The following SGSM1 variants were observed in gnomAD, a reference collection of about 807,000 sequenced individuals.
The protein encoded by SGSM1 is small G protein signaling modulator 1.
SGSM1 carries 73 observed loss-of-function variants against 133.8 expected under a neutral mutation model. The ratio of observed to expected loss-of-function variants is 0.55; its 90% confidence interval spans 0.45 to 0.66. SGSM1 has a LOEUF of 0.66. Ranked by LOEUF, SGSM1 falls within the 30% of genes least tolerant of loss-of-function variation. The pLI, the probability that SGSM1 is intolerant of heterozygous loss-of-function variation, is 0.00. For synonymous variants in SGSM1, 563 were observed against 573.0 expected, an observed-to-expected ratio of 0.98 and a Z score of 0.25; for missense variants, 1,213 against 1,448.1, an observed-to-expected ratio of 0.84 and a Z score of 2.64.
chr22:24,881,090 G>T (rs1354113053), intron 14 of SGSM1, among the ~76,000 whole-genome samples: 1 of 149,554 alleles, frequency 6.7e-6, no homozygotes, highest in African/African-American at 2.5e-5. Flanking sequence ...CTACTTGGGA[G>T]GCTGAGGCAG....
In SGSM1 at chr22:24,864,955, G is replaced by A. The variant is rs143233798; in HGVS notation, c.927-2138G>A. 1.0e-2 allele frequency among the ~76,000 whole-genome samples: 1,519 copies of A among 152,318 alleles called. 15 individuals are homozygous for A. Among genetic ancestry groups the A allele is most frequent in the Middle Eastern group, 0.027 (8 of 294 alleles). ...CCTCAGATTATTTATCTGTAAGATGGGAATGTAGTCAGGGAACCACTGAAT... is the reference window on the plus strand; with the variant it reads ...CCTCAGATTATTTATCTGTAAGATGAGAATGTAGTCAGGGAACCACTGAAT... On this transcript the variant is annotated intron_variant, in intron 9 of 24. Coordinates refer to ENST00000400358, the MANE Select transcript of SGSM1 (RefSeq NM_001098497.3).
intron 2 of SGSM1, among the ~76,000 whole-genome samples, chr22:24,842,658 G>C (rs993633092): frequency 1.3e-5 from 2 of 152,038 alleles, no homozygotes; most frequent in African/African-American, 4.8e-5. Flanking sequence ...ACGTCTGATG[G>C]GTGTTTCAAG....
chr22:24,845,923 G>A (rs1930069818), intron 3 of SGSM1, among the ~76,000 whole-genome samples: 1 of 146,830 alleles, frequency 6.8e-6, no homozygotes, highest in Non-Finnish European at 1.5e-5. Context: ...CTTTGGGCAA[G>A]ATCTTTCTTT....
intron 16 of SGSM1, among the ~76,000 whole-genome samples, chr22:24,890,042 T>C (rs1177063469): frequency 7.3e-5 from 11 of 150,316 alleles, no homozygotes; most frequent in Admixed American, 4.7e-4. Flanking sequence ...CTGCAAGCTC[T>C]GCCTGCTGGG....
intron 12 of SGSM1, among the ~76,000 whole-genome samples, chr22:24,869,273 G>A (rs566597642): frequency 9.8e-5 from 15 of 152,312 alleles, no homozygotes; most frequent in African/African-American, 3.1e-4. Context: ...TTGAGAGGCC[G>A]AAATTTGGGA....
rs114327671 is a variant in SGSM1, at chr22:24,897,101, G to A, written c.2023-871G>A. Among the ~76,000 whole-genome samples the A allele has an allele frequency of 6.3e-3, 948 of 150,780 alleles. 7 individuals are homozygous for A. Among genetic ancestry groups the A allele is most frequent in the African/African-American group, 0.022 (905 of 41,098 alleles). On this transcript the variant is annotated intron_variant, in intron 18 of 24. Transcript: ENST00000400358. ...CCCCTTCTCAGAGTCAACTGCACGC[G>A]GGGCGTGGTGGCTCACGCCTGTAAT...
chr22:24,901,173 C>G (rs1933147919), intron 19 of SGSM1: 1 of 152,192 alleles, frequency 6.6e-6, no homozygotes, highest in Non-Finnish European at 1.5e-5. Context: ...TGACAACATT[C>G]ATGAGGTGAA....
At chr22:24,917,055 CTTTTTTT>C (rs139775) in intron 22 of SGSM1, among the ~76,000 whole-genome samples, 2 of 118,480 alleles carry the variant, frequency 1.7e-5, no homozygotes, top group East Asian at 2.5e-4. Flanking sequence ...ATAAAAAATT[CTTTTTTT>C]TTTTTTTTTT....
chr22:24,892,409 C>G (rs1436814944), intron 16 of SGSM1, among the ~76,000 whole-genome samples: 1 of 152,164 alleles, frequency 6.6e-6, no homozygotes, highest in Non-Finnish European at 1.5e-5. Flanking sequence ...CTGTGTTACT[C>G]AGGGACAATG....
chr22:24,852,144 T>A (rs1449184033), intron 5 of SGSM1, among the ~76,000 whole-genome samples: 1 of 152,220 alleles, frequency 6.6e-6, no homozygotes, highest in Non-Finnish European at 1.5e-5. Flanking sequence ...AGATTACTAA[T>A]TGCCTAACCC....
intron 2 of SGSM1, among the ~76,000 whole-genome samples, chr22:24,837,144 G>A (rs992729327): frequency 7.9e-5 from 12 of 152,152 alleles, no homozygotes; most frequent in Admixed American, 6.5e-4. Flanking sequence ...CACGGAGACC[G>A]GTAGTGGCCC....
rs190157943 is a variant in SGSM1 at position 24,820,333 on chromosome 22, C to T, written c.63+13849C>T. Among the ~76,000 whole-genome samples, 939 of 152,264 alleles carry T rather than the reference C, an allele frequency of 6.2e-3. 13 individuals are homozygous for T. Among genetic ancestry groups the T allele is most frequent in the African/African-American group, 0.021 (860 of 41,524 alleles). On this transcript the variant is annotated intron_variant, in intron 2 of 24. Transcript: ENST00000400358. ...TAGGAACCCCAGCCCCAGAACACCC[C>T]TTCCAGGTCATGGCAGGTTGGCTGG... is the stretch of plus-strand genomic sequence containing the variant.
intron 9 of SGSM1, among the ~76,000 whole-genome samples, chr22:24,861,956 C>CTTT (rs551010251): frequency 3.4e-5 from 4 of 116,528 alleles, no homozygotes; most frequent in Admixed American, 8.1e-5. Flanking sequence ...TTCTTTCTTT[C>CTTT]TTTTTTTTTT....
At chr22:24,859,581 CA>C (rs992961795) in intron 8 of SGSM1, 134 bp from the exon 9 acceptor site, 2 of 1,251,104 alleles carry the variant, frequency 1.6e-6, no homozygotes, top group Non-Finnish European at 2.2e-6. Context: ...TAGAGTCTTC[CA>C]CATGGCCAGG....
Position 24,898,366 on chromosome 22 carries a change from T to C in SGSM1, c.2417T>C (p.Leu806Pro). 1 of 1,613,774 alleles carries C rather than the reference T, an allele frequency of 6.2e-7. No homozygotes were observed. The highest frequency in any genetic ancestry group is 8.5e-7 in the Non-Finnish European group (1 of 1,179,852). ...MSITGSLDMA[L>P]PEKDDVVMEG... The stretch of plus-strand genomic sequence containing the variant: ...ATCACGGGCAGCCTGGACATGGCCC[T>C]GCCTGAAAAGGACGATGTTGTGATG... Residue 806 changes from leucine (L) to proline (P), a missense_variant, in exon 19 of 25, where the codon CTG becomes CCG. Leu to Pro is a moderately conservative substitution (Grantham distance 98). Coordinates refer to ENST00000400358, the MANE Select transcript of SGSM1 (RefSeq NM_001098497.3).
chr22:24,811,325 C>T (rs1173873450), intron 2 of SGSM1, among the ~76,000 whole-genome samples: 2 of 152,132 alleles, frequency 1.3e-5, no homozygotes, highest in African/African-American at 2.4e-5. Flanking sequence ...GCACCTGCTG[C>T]GCCCTTCACT....
chr22:24,880,851 G>A (rs1932275133), intron 14 of SGSM1, among the ~76,000 whole-genome samples: 1 of 152,162 alleles, frequency 6.6e-6, no homozygotes, highest in South Asian at 2.1e-4. Flanking sequence ...ATGCGACTTG[G>A]GCAAGTGACA....
At chr22:24,850,226 C>G in intron 4 of SGSM1, 54 bp from the exon 5 acceptor site, 2 of 1,517,866 alleles carry the variant, frequency 1.3e-6, no homozygotes, top group South Asian at 1.2e-5. Flanking sequence ...CCAATTAGTC[C>G]TGTGTAGATT....
chr22:24,873,873 T>C (rs1403284097), intron 12 of SGSM1, among the ~76,000 whole-genome samples: 2 of 151,630 alleles, frequency 1.3e-5, no homozygotes, highest in Non-Finnish European at 2.9e-5. Context: ...AAAAGTCAAA[T>C]CCCCTGGGTT....
Sources: allele counts gnomAD v4.1 joint callset (sites outside exome capture counted in the v4.1 genomes callset), GRCh38; gene constraint gnomAD v4.1.1; transcripts MANE v1.5; gene names NCBI Gene and HGNC (gene_info 2026-07-23, HGNC 2026-07-21).